The following RABGAP1L variants were observed in gnomAD, a reference collection of about 807,000 sequenced individuals.
RABGAP1L encodes RAB GTPase activating protein 1 like.
Under a neutral mutation model 137.7 loss-of-function variants are expected in RABGAP1L, and 63 were observed. The ratio of observed to expected loss-of-function variants is 0.46; its 90% CI spans 0.37 to 0.56. The LOEUF (loss-of-function observed/expected upper bound fraction) is 0.56. RABGAP1L is among the 20% of genes least tolerant of loss of function. RABGAP1L has a pLI of 0.00. For missense variants in RABGAP1L, 1,095 were observed against 1,244.0 expected (o/e 0.88, Z 1.80); for synonymous variants, 431 against 433.7 (o/e 0.99, Z 0.08).
intron 13 of RABGAP1L, among the ~76,000 whole-genome samples, chr1:174,614,658 C>T (rs943308871): frequency 1.3e-5 from 2 of 152,178 alleles, no homozygotes; most frequent in Admixed American, 6.6e-5. Flanking sequence ...TCCTGAATAA[C>T]ATCCTGCAGA....
intron 13 of RABGAP1L, among the ~76,000 whole-genome samples, chr1:174,590,050 C>T (rs1483401558): frequency 6.8e-6 from 1 of 146,432 alleles, no homozygotes; most frequent in African/African-American, 2.5e-5. Flanking sequence ...TTGCTTTGGA[C>T]ATTTTAACAA....
intron 8 of RABGAP1L, among the ~76,000 whole-genome samples, chr1:174,274,643 G>GTA (rs1354558754): frequency 1.8e-5 from 2 of 113,236 alleles, no homozygotes; most frequent in East Asian, 2.3e-4. Flanking sequence ...TGTGTGTAGA[G>GTA]GAGAGAAAGA....
At chr1:174,600,810 C>G (rs1258661561) in intron 13 of RABGAP1L, among the ~76,000 whole-genome samples, 2 of 152,142 alleles carry the variant, frequency 1.3e-5, no homozygotes, top group South Asian at 2.1e-4. Flanking sequence ...GCAAACTGTC[C>G]GTGGATCTAC....
At chr1:174,492,451 C>A (rs1420975698) in intron 13 of RABGAP1L, among the ~76,000 whole-genome samples, 1 of 151,126 alleles carries the variant, frequency 6.6e-6, no homozygotes, top group African/African-American at 2.4e-5. Context: ...CAGATTCAAG[C>A]GATTCTCCAT....
intron 11 of RABGAP1L, among the ~76,000 whole-genome samples, chr1:174,347,492 TGTG>T (rs1186761508): frequency 9.3e-5 from 14 of 149,776 alleles, no homozygotes; most frequent in African/African-American, 1.5e-4. Context: ...TGTGTGTGTG[TGTG>T]TGTGTTTTTT....
chr1:174,213,300 C>T (rs1314121392), intron 1 of RABGAP1L, among the ~76,000 whole-genome samples: 3 of 152,106 alleles, frequency 2.0e-5, no homozygotes. Context: ...TGGTGCATGC[C>T]TGTAGTCCTA....
intron 13 of RABGAP1L, among the ~76,000 whole-genome samples, chr1:174,407,347 C>T (rs1005233604): frequency 1.3e-5 from 2 of 150,066 alleles, no homozygotes; most frequent in South Asian, 4.2e-4. Flanking sequence ...TCTTTTTTAC[C>T]TGCCTCCCTT....
At chr1:174,544,353 C>T (rs75024806) in intron 13 of RABGAP1L, among the ~76,000 whole-genome samples, 1 of 152,124 alleles carries the variant, frequency 6.6e-6, no homozygotes, top group East Asian at 1.9e-4. Context: ...ATTTGATCTT[C>T]AATCACTGAT....
At chr1:174,595,590 G>T (rs1289212920) in intron 13 of RABGAP1L, among the ~76,000 whole-genome samples, 3 of 148,462 alleles carry the variant, frequency 2.0e-5, no homozygotes, top group African/African-American at 5.1e-5. Context: ...ACCCTCAGCT[G>T]CAGGTCTGTT....
chr1:174,618,148 C>A (rs1045104815), intron 13 of RABGAP1L, among the ~76,000 whole-genome samples: 15 of 152,192 alleles, frequency 9.9e-5, no homozygotes, highest in African/African-American at 1.9e-4. Flanking sequence ...GGCTGGGAAG[C>A]TCGAACTGAG....
intron 18 of RABGAP1L, among the ~76,000 whole-genome samples, chr1:174,772,081 C>T (rs1686151976): frequency 6.6e-6 from 1 of 152,046 alleles, no homozygotes; most frequent in African/African-American, 2.4e-5. Flanking sequence ...TGCCTGTAAT[C>T]CCAGCTACTC....
chr1:174,355,117 A>G (rs1277442812), intron 11 of RABGAP1L, among the ~76,000 whole-genome samples: 7 of 152,340 alleles, frequency 4.6e-5, no homozygotes, highest in Non-Finnish European at 7.3e-5. Flanking sequence ...TACTGGGTAT[A>G]TACCCAGAGG....
intron 4 of RABGAP1L, among the ~76,000 whole-genome samples, chr1:174,238,436 G>T (rs1671422181): frequency 6.6e-6 from 1 of 152,144 alleles, no homozygotes; most frequent in Non-Finnish European, 1.5e-5. Context: ...GTGATGTACA[G>T]ATGGGTTTTT....
chr1:174,988,916 C>A, intron 25 of RABGAP1L, 78 bp downstream of exon 25: 7 of 1,297,298 alleles, frequency 5.4e-6, no homozygotes, highest in Non-Finnish European at 7.2e-6. Context: ...TCAGAATACA[C>A]CTATCTAGGT....
chr1:174,773,679 G>T (rs906622069), intron 18 of RABGAP1L, among the ~76,000 whole-genome samples: 5 of 152,226 alleles, frequency 3.3e-5, no homozygotes, highest in Non-Finnish European at 7.3e-5. Context: ...TAATGAAAAT[G>T]AACTCACTGT....
chr1:174,895,288 G>C (rs574941730), intron 19 of RABGAP1L, among the ~76,000 whole-genome samples: 1 of 152,232 alleles, frequency 6.6e-6, no homozygotes, highest in East Asian at 1.9e-4. Context: ...AGTGCTATTA[G>C]TATCCCACTA....
At chr1:174,716,558 C>T (rs1303994427) in intron 17 of RABGAP1L, among the ~76,000 whole-genome samples, 1 of 152,140 alleles carries the variant, frequency 6.6e-6, no homozygotes, top group Non-Finnish European at 1.5e-5. Flanking sequence ...CTGTTGTTTG[C>T]ATTTGTTAAA....
At position 174,686,140 on chromosome 1, in the gene RABGAP1L, C is replaced by A. The variant is rs113180725; in HGVS notation, c.1899+2544C>A. ...AAGCAATGAATAGTGTCAAATGTAA[C>A]GAGAGGCCAAACAAGTTTAAAAGGA... On this transcript the variant is annotated intron_variant, in intron 15 of 25. Transcript: ENST00000681986. Among the ~76,000 whole-genome samples the A allele has an allele frequency of 6.9e-3, 1,057 of 152,210 alleles. 9 individuals are homozygous for A. The highest frequency in any genetic ancestry group is 0.011 in the Non-Finnish European group (715 of 67,998).
At chr1:174,664,754 T>TTTTTTTTTTTTTA (rs1676652596) in intron 14 of RABGAP1L, among the ~76,000 whole-genome samples, 1 of 142,036 alleles carries the variant, frequency 7.0e-6, no homozygotes, top group African/African-American at 2.9e-5. Flanking sequence ...TTTTTTTTTT[T>TTTTTTTTTTTTTA]TGACAGAGTT....
Sources: gnomAD v4.1 joint callset for allele counts (sites outside exome capture counted in the v4.1 genomes callset) on GRCh38, gnomAD v4.1.1 for gene constraint, MANE v1.5 for transcripts, NCBI Gene and HGNC (gene_info 2026-07-23, HGNC 2026-07-21) for gene names.